PCCA: variants seen among roughly 807,000 people sequenced by gnomAD.
PCCA encodes propionyl-CoA carboxylase alpha chain, mitochondrial.
Under a neutral mutation model 101.3 loss-of-function variants are expected in PCCA, and 74 were observed. The ratio of observed to expected loss-of-function variants is 0.73; its 90% CI spans 0.61 to 0.89. PCCA has a LOEUF of 0.89. Ranked by LOEUF, PCCA falls within the 40% of genes least tolerant of loss-of-function variation. The pLI, the probability that PCCA is intolerant of heterozygous loss-of-function variation, is 0.00. For missense variants in PCCA, 891 were observed against 907.0 expected (o/e 0.98, Z 0.23); for synonymous variants, 294 against 313.6 (o/e 0.94, Z 0.66).
chr13:100,514,435 T>C (rs2086688960), intron 21 of PCCA, among the ~76,000 whole-genome samples: 1 of 152,224 alleles, frequency 6.6e-6, no homozygotes, highest in African/African-American at 2.4e-5. Flanking sequence ...GCAGGTTTTT[T>C]GAATGAAATG....
intron 6 of PCCA, among the ~76,000 whole-genome samples, chr13:100,178,800 G>A (rs1460999766): frequency 1.3e-5 from 2 of 152,064 alleles, no homozygotes; most frequent in East Asian, 3.9e-4. Context: ...TGTGTGGGCC[G>A]GGCGCGGTGG....
intron 12 of PCCA, among the ~76,000 whole-genome samples, chr13:100,279,418 G>A (rs940430225): frequency 9.9e-5 from 15 of 152,112 alleles, no homozygotes; most frequent in Admixed American, 8.5e-4. Context: ...GACTTCATAT[G>A]TGTTCAGAAA....
chr13:100,281,294 A>G (rs984585234), intron 12 of PCCA, among the ~76,000 whole-genome samples: 5 of 152,244 alleles, frequency 3.3e-5, no homozygotes, highest in Non-Finnish European at 5.9e-5. Flanking sequence ...AAGAAGGAAA[A>G]GAAATTTGTG....
intron 19 of PCCA, among the ~76,000 whole-genome samples, chr13:100,370,311 C>G (rs555757564): frequency 6.6e-6 from 1 of 152,052 alleles, no homozygotes; most frequent in African/African-American, 2.4e-5. Flanking sequence ...TCTCGAACAC[C>G]TGAGCTCAAG....
intron 22 of PCCA, among the ~76,000 whole-genome samples, chr13:100,521,836 T>G (rs887379955): frequency 1.3e-5 from 2 of 152,344 alleles, no homozygotes; most frequent in Non-Finnish European, 2.9e-5. Flanking sequence ...TTGATCCGTG[T>G]TTTTCCGGTG....
chr13:100,209,542 A>C (rs543726826), intron 7 of PCCA, 79 bp downstream of exon 7: 1 of 1,264,944 alleles, frequency 7.9e-7, no homozygotes, highest in Admixed American at 1.7e-5. Context: ...AAATGTAACT[A>C]TTGCTTTTTT....
intron 21 of PCCA, among the ~76,000 whole-genome samples, chr13:100,504,118 A>G (rs1003654469): frequency 6.6e-6 from 1 of 152,216 alleles, no homozygotes; most frequent in Non-Finnish European, 1.5e-5. Context: ...GCCTATAACT[A>G]TTTTTAACTC....
At position 100,388,719 on chromosome 13, in the gene PCCA, T is replaced by C. The variant is rs370469900; in HGVS notation, c.1746+20145T>C. ...GCTGAGGCGGAGAATCGTTTGAACC[T>C]GGGAGGTAGAAGTTGCAGTGAGCCA... On this transcript the variant is annotated intron_variant, in intron 19 of 23. Transcript: ENST00000376285. Among the ~76,000 whole-genome samples the C allele has an allele frequency of 1.1e-3, 164 of 152,248 alleles. 6 individuals carry two copies. In the South Asian group the frequency reaches 0.031, roughly 29 times the overall value.
At chr13:100,327,751 A>G (rs1038057458) in intron 16 of PCCA, among the ~76,000 whole-genome samples, 9 of 152,220 alleles carry the variant, frequency 5.9e-5, no homozygotes, top group African/African-American at 2.2e-4. Flanking sequence ...CACTTTGGCC[A>G]TGTAAATCGG....
intron 16 of PCCA, among the ~76,000 whole-genome samples, chr13:100,310,834 A>G (rs749671708): frequency 6.6e-6 from 1 of 152,112 alleles, no homozygotes; most frequent in Non-Finnish European, 1.5e-5. Context: ...GTATAGGTAG[A>G]TTTTTCCAGG....
At chr13:100,368,628 T>G in intron 19 of PCCA, 54 bp downstream of exon 19, 1 of 1,118,276 alleles carries the variant, frequency 8.9e-7, no homozygotes, top group Non-Finnish European at 1.4e-6. Context: ...TATGAATATT[T>G]AAAGCCATTT....
chr13:100,187,366 G>A (rs576628909), intron 6 of PCCA, among the ~76,000 whole-genome samples: 1 of 152,226 alleles, frequency 6.6e-6, no homozygotes, highest in South Asian at 2.1e-4. Flanking sequence ...TACGTCAATT[G>A]GGATCTGCGA....
At chr13:100,427,106 A>G (rs2079202089) in intron 20 of PCCA, among the ~76,000 whole-genome samples, 1 of 152,124 alleles carries the variant, frequency 6.6e-6, no homozygotes, top group Non-Finnish European at 1.5e-5. Context: ...ATTCCTAGCT[A>G]CTTGGGAGGC....
At chr13:100,234,968 T>C (rs970276499) in intron 7 of PCCA, among the ~76,000 whole-genome samples, 14 of 151,978 alleles carry the variant, frequency 9.2e-5, no homozygotes, top group Admixed American at 6.6e-5. Context: ...TTATCTTTAT[T>C]GTTATTTGGG....
chr13:100,222,768 AT>A (rs905426081), intron 7 of PCCA, among the ~76,000 whole-genome samples: 104 of 151,884 alleles, frequency 6.8e-4, no homozygotes, highest in South Asian at 6.6e-3. Flanking sequence ...ACTATATTCT[AT>A]TTTTTTTCCC....
chr13:100,469,964 C>T (rs1249612455), intron 21 of PCCA, among the ~76,000 whole-genome samples: 1 of 152,170 alleles, frequency 6.6e-6, no homozygotes, highest in Non-Finnish European at 1.5e-5. Flanking sequence ...TGAATTTTCT[C>T]TGGGAACTGA....
At chr13:100,203,407 G>A (rs1438894396) in intron 6 of PCCA, among the ~76,000 whole-genome samples, 2 of 151,558 alleles carry the variant, frequency 1.3e-5, no homozygotes, top group Non-Finnish European at 1.5e-5. Flanking sequence ...CATTGTATTG[G>A]GGCCAGGCAT....
intron 1 of PCCA, among the ~76,000 whole-genome samples, chr13:100,100,378 G>A (rs915936661): frequency 6.6e-6 from 1 of 152,142 alleles, no homozygotes; most frequent in African/African-American, 2.4e-5. Context: ...CTCTCATTTT[G>A]GCTGTGATTG....
chr13:100,406,951 C>A (rs1054060922), intron 19 of PCCA, among the ~76,000 whole-genome samples: 1 of 152,062 alleles, frequency 6.6e-6, no homozygotes, highest in East Asian at 1.9e-4. Context: ...TTTGAGAGGA[C>A]CTGTTAAAAT....
Sources: gnomAD v4.1 joint callset for allele counts (sites outside exome capture counted in the v4.1 genomes callset) on GRCh38, gnomAD v4.1.1 for gene constraint, MANE v1.5 for transcripts, NCBI Gene and HGNC (gene_info 2026-07-23, HGNC 2026-07-21) for gene names.